FIG4: variants seen among roughly 807,000 people sequenced by gnomAD.
FIG4 encodes the protein FIG4 phosphoinositide 5-phosphatase, also known as polyphosphoinositide phosphatase.
In FIG4, 112 loss-of-function variants were observed where a neutral mutation model predicts 118.6. The observed-to-expected ratio is 0.94, with a 90% CI of 0.81 to 1.11. FIG4 has a LOEUF of 1.11. Ranked by LOEUF, FIG4 falls within the 50% of genes least tolerant of loss-of-function variation. FIG4 has a pLI of 0.00. For missense variants in FIG4, 969 were observed against 1,111.7 expected (o/e 0.87, Z 1.83); for synonymous variants, 369 against 381.2 (o/e 0.97, Z 0.37).
In FIG4 at chr6:109,776,998, G is replaced by A. The variant is rs756085095; in HGVS notation, c.1827G>A (p.Glu609=). The A allele has an allele frequency of 5.1e-5, 82 of 1,613,336 alleles. No individual in the cohort carries two copies. Among genetic ancestry groups the A allele is most frequent in the Non-Finnish European group, 6.8e-5 (80 of 1,179,412 alleles). Residue 609 remains glutamate (E), a synonymous_variant, in exon 16 of 23, where the codon GAG becomes GAA. Transcript: ENST00000230124. ...HPTEGKPHLW[E]LPTDFYLHHK... is the part of the protein sequence containing the mutation. ...CTGAAGGGAAACCTCATCTCTGGGA[G>A]CTCCCAACAGATTTTTATTTGCATC... is the stretch of plus-strand genomic sequence containing the variant.
chr6:109,698,081 G>T (rs1400846985), intron 1 of FIG4, among the ~76,000 whole-genome samples: 6 of 151,810 alleles, frequency 4.0e-5, no homozygotes, highest in Admixed American at 2.0e-4. Flanking sequence ...GTAGAGACGG[G>T]GTTTCACTAT....
chr6:109,796,237 G>T lies in FIG4; in HGVS notation c.2460-528G>T, dbSNP rs116749812. 3.2e-3 allele frequency among the ~76,000 whole-genome samples: 484 copies of T among 152,292 alleles called. 4 individuals are homozygous for T. The highest frequency in any genetic ancestry group is 0.011 in the African/African-American group (462 of 41,556). ...CTCTTTGAAGTGGCTAGAGTACTTG[G>T]TGGGGGGATTCTTGTGGTCCAGAGG... is the stretch of plus-strand genomic sequence containing the variant. On this transcript the variant is annotated intron_variant, in intron 21 of 22. Coordinates refer to ENST00000230124, the MANE Select transcript of FIG4 (RefSeq NM_014845.6).
At chr6:109,727,308 T>A in intron 4 of FIG4, 43 bp downstream of exon 4, 1 of 1,505,380 alleles carries the variant, frequency 6.6e-7, no homozygotes, top group Non-Finnish European at 9.2e-7. Context: ...GGAGACAAGG[T>A]CTTGCCCTGT....
chr6:109,815,730 T>C (rs147791556), intron 22 of FIG4, among the ~76,000 whole-genome samples: 169 of 152,064 alleles, frequency 1.1e-3, no homozygotes, highest in African/African-American at 3.8e-3. Context: ...TCTGTAGTAG[T>C]GGGTTCCAGT....
intron 18 of FIG4, among the ~76,000 whole-genome samples, chr6:109,787,768 C>G (rs773077589): frequency 5.3e-5 from 8 of 152,148 alleles, no homozygotes; most frequent in Non-Finnish European, 1.2e-4. Context: ...TTAGTAAATA[C>G]TGGACCATTG....
At chr6:109,719,939 A>G (rs1474122297) in intron 3 of FIG4, among the ~76,000 whole-genome samples, 1 of 152,172 alleles carries the variant, frequency 6.6e-6, no homozygotes, top group Non-Finnish European at 1.5e-5. Flanking sequence ...TTGTAACCAG[A>G]CGTTTAATTT....
intron 15 of FIG4, among the ~76,000 whole-genome samples, chr6:109,769,181 C>T (rs1045839463): frequency 2.0e-5 from 3 of 151,366 alleles, no homozygotes; most frequent in Non-Finnish European, 4.4e-5. Context: ...CGGCTCACTG[C>T]AAACTCCGCC....
intron 10 of FIG4, among the ~76,000 whole-genome samples, chr6:109,744,907 C>G (rs75743084): frequency 0.29 from 43,412 of 151,458 alleles, 6,846 homozygotes; most frequent in Non-Finnish European, 0.37. Flanking sequence ...TTTCCTGTTC[C>G]TGTGTTAGTT....
intron 22 of FIG4, among the ~76,000 whole-genome samples, chr6:109,820,952 A>G (rs980758107): frequency 6.6e-6 from 1 of 152,188 alleles, no homozygotes; most frequent in Non-Finnish European, 1.5e-5. Context: ...AGGCCTGAGA[A>G]TAGGAGAACC....
Position 109,765,089 on chromosome 6 carries a change from C to T in FIG4, c.1511C>T (p.Ala504Val). The change falls in exon 14 of 23, where the codon GCT becomes GTT. Residue 504 changes from alanine (A) to valine (V), a missense_variant. Ala to Val is a moderately conservative substitution (Grantham distance 64). Around this residue, in one of 3 missense-constraint regions of FIG4, gnomAD observed 246 missense variants for 354.3 expected, o/e 0.69. Transcript: ENST00000230124. Reference sequence around the variant, plus strand: ...GCACAGTTTATGGTGGGAAAATGTGCTCTGGCCTATCAGCTGTATTCACTG... The same window carrying T: ...GCACAGTTTATGGTGGGAAAATGTGTTCTGGCCTATCAGCTGTATTCACTG... ...NTAQFMVGKC[A>V]LAYQLYSLGL... 6.2e-7 allele frequency: 1 copy of T among 1,613,808 alleles called. No individual in the cohort carries two copies. Among genetic ancestry groups the T allele is most frequent in the Non-Finnish European group, 8.5e-7 (1 of 1,179,726 alleles).
intron 10 of FIG4, among the ~76,000 whole-genome samples, chr6:109,755,064 G>A (rs1432996870): frequency 6.6e-6 from 1 of 151,886 alleles, no homozygotes; most frequent in East Asian, 1.9e-4. Flanking sequence ...TCTTTCTCTT[G>A]TGGGCATTTA....
At position 109,791,433 on chromosome 6, in the gene FIG4, G is replaced by A. The variant is rs753867543; in HGVS notation, c.2238G>A (p.Pro746=). 2.4e-5 allele frequency: 39 copies of A among 1,613,480 alleles called. No homozygotes were observed. Among genetic ancestry groups the A allele is most frequent in the Non-Finnish European group, 3.0e-5 (35 of 1,179,982 alleles). Residue 746 remains proline (P), a synonymous_variant, in exon 20 of 23, where the codon CCG becomes CCA. Transcript: ENST00000230124. ...VLQRKTAASA[P]PPPSEEAVSS... ...AGCGGAAAACGGCAGCCAGCGCCCCGCCGCCCCCCAGCGAGGAGGCTGTGT... is the reference window on the plus strand; with the variant it reads ...AGCGGAAAACGGCAGCCAGCGCCCCACCGCCCCCCAGCGAGGAGGCTGTGT...
At chr6:109,707,048 G>T (rs571968555) in intron 1 of FIG4, among the ~76,000 whole-genome samples, 12 of 152,110 alleles carry the variant, frequency 7.9e-5, no homozygotes, top group Middle Eastern at 3.4e-3. Flanking sequence ...ATCGAATCCT[G>T]TCACTGGATG....
intron 1 of FIG4, among the ~76,000 whole-genome samples, chr6:109,697,991 C>T (rs1436619109): frequency 1.6e-4 from 24 of 151,810 alleles, no homozygotes; most frequent in Admixed American, 1.4e-3. Flanking sequence ...TGGGTTCACA[C>T]GATTCTCCTG....
intron 10 of FIG4, among the ~76,000 whole-genome samples, chr6:109,758,901 A>C (rs1777009699): frequency 6.6e-6 from 1 of 152,246 alleles, no homozygotes; most frequent in African/African-American, 2.4e-5. Flanking sequence ...AACCACAATG[A>C]GATACCATCT....
At chr6:109,758,870 C>A (rs1006952466) in intron 10 of FIG4, among the ~76,000 whole-genome samples, 2 of 152,218 alleles carry the variant, frequency 1.3e-5, no homozygotes, top group African/African-American at 4.8e-5. Context: ...CATCACTGGT[C>A]ATTAGAAAAA....
chr6:109,696,805 A>T (rs1774735950), intron 1 of FIG4, among the ~76,000 whole-genome samples: 2 of 152,200 alleles, frequency 1.3e-5, no homozygotes, highest in Admixed American at 1.3e-4. Context: ...CATAAGAGGA[A>T]TAAGCTCTAG....
At chr6:109,787,474 C>G (rs1778007308) in intron 18 of FIG4, among the ~76,000 whole-genome samples, 1 of 152,080 alleles carries the variant, frequency 6.6e-6, no homozygotes, top group Admixed American at 6.5e-5. Flanking sequence ...AACTATGAGA[C>G]CTTTGTCATT....
intron 1 of FIG4, among the ~76,000 whole-genome samples, chr6:109,705,656 C>T (rs1211504149): frequency 6.6e-6 from 1 of 152,188 alleles, no homozygotes; most frequent in African/African-American, 2.4e-5. Flanking sequence ...TCCAATAATG[C>T]ATTTGCCCAT....
Sources: gnomAD v4.1 joint callset for allele counts (sites outside exome capture counted in the v4.1 genomes callset) on GRCh38, gnomAD v4.1.1 for gene constraint, gnomAD v4.1.1 regional missense constraint, MANE v1.5 for transcripts, NCBI Gene and HGNC (gene_info 2026-07-23, HGNC 2026-07-21) for gene names.